Variants in TEX11 observed in about 807,000 individuals in gnomAD.
The protein encoded by TEX11 is testis expressed 11, also known as testis-expressed protein 11.
A neutral mutation model predicts 84.4 loss-of-function variants in TEX11; 7 were observed. That is an observed-to-expected ratio of 0.08 (90% CI 0.05 to 0.16). The LOEUF is 0.16. Ranked by LOEUF, TEX11 falls within the 10% of genes least tolerant of loss-of-function variation. TEX11 has a pLI of 1.00. For missense variants in TEX11, 551 were observed against 660.5 expected, an observed-to-expected ratio of 0.83 and a Z score of 1.82; for synonymous variants, 264 against 222.8, an observed-to-expected ratio of 1.18 and a Z score of -1.64.
intron 16 of TEX11, among the ~76,000 whole-genome samples, chrX:70,651,771 C>A (rs1218723690): frequency 9.0e-6 from 1 of 111,633 alleles, no homozygotes; most frequent in Non-Finnish European, 1.9e-5. Context: ...CAGACCAACC[C>A]TCCTGCTGAA....
chrX:70,562,509 A>G lies in TEX11; in HGVS notation c.2141-7709T>C, dbSNP rs2088388586. ...ATTGTGCATAGTTCTTTTTGTCTTT[A>G]GCCTTGCATCTAATCAAAACAGAGT... On this transcript the variant is annotated intron_variant, in intron 25 of 29. Coordinates refer to ENST00000374333, the MANE Select transcript of TEX11 (RefSeq NM_031276.3). 2.7e-5 allele frequency among the ~76,000 whole-genome samples: 3 copies of G among 112,287 alleles called. No homozygotes were observed. In the Admixed American group the frequency reaches 2.8e-4, roughly 11 times the overall value.
At chrX:70,796,752 A>T (rs1178129426) in intron 9 of TEX11, among the ~76,000 whole-genome samples, 1 of 112,314 alleles carries the variant, frequency 8.9e-6, no homozygotes, top group East Asian at 2.8e-4. Flanking sequence ...AAGGAATTTA[A>T]ATAATTCAAC....
At chrX:70,741,804 T>A (rs2090735604) in intron 10 of TEX11, among the ~76,000 whole-genome samples, 1 of 110,902 alleles carries the variant, frequency 9.0e-6, no homozygotes, top group African/African-American at 3.3e-5. Flanking sequence ...AAGGCCTGTC[T>A]CCTACCAAAA....
chrX:70,600,392 A>G (rs2089083198), intron 24 of TEX11, among the ~76,000 whole-genome samples: 1 of 111,165 alleles, frequency 9.0e-6, no homozygotes, highest in Non-Finnish European at 1.9e-5. Context: ...CTACAAAGAG[A>G]CTTAGACTCC....
chrX:70,788,973 T>TATATAG (rs1211700739), intron 9 of TEX11, among the ~76,000 whole-genome samples: 11 of 9,554 alleles, frequency 1.2e-3, no homozygotes, highest in Non-Finnish European at 1.4e-3. Flanking sequence ...TATATATATA[T>TATATAG]AGAGAGAGAG....
intron 9 of TEX11, among the ~76,000 whole-genome samples, chrX:70,792,345 TATATATATATATACAC>T (rs1186840550): frequency 0.072 from 759 of 10,524 alleles, 71 homozygotes; most frequent in African/African-American, 0.15. Context: ...TATATATATA[TATATATATATATACAC>T]ACACAAATAT....
At chrX:70,717,156 G>A (rs1213851487) in intron 13 of TEX11, among the ~76,000 whole-genome samples, 2 of 88,207 alleles carry the variant, frequency 2.3e-5, no homozygotes, top group African/African-American at 7.4e-5. Context: ...AAGCTTGACT[G>A]TAAAAGGTGA....
intron 2 of TEX11, among the ~76,000 whole-genome samples, chrX:70,902,078 C>T (rs532555622): frequency 1.8e-5 from 2 of 111,542 alleles, no homozygotes; most frequent in African/African-American, 6.5e-5. Flanking sequence ...AGGGAGATCC[C>T]GTCTCCACAG....
At chrX:70,669,268 A>G (rs1456273976) in intron 16 of TEX11, among the ~76,000 whole-genome samples, 1 of 111,674 alleles carries the variant, frequency 9.0e-6, no homozygotes, top group Non-Finnish European at 1.9e-5. Flanking sequence ...CTACATCCAG[A>G]TATAGGTCCT....
intron 13 of TEX11, among the ~76,000 whole-genome samples, chrX:70,713,650 T>A (rs1241672785): frequency 1.8e-5 from 2 of 111,196 alleles, no homozygotes; most frequent in Non-Finnish European, 3.8e-5. Context: ...CCCTTTATCA[T>A]TTTTTATTGC....
At chrX:70,806,003 A>G (rs1402616608) in intron 9 of TEX11, among the ~76,000 whole-genome samples, 3 of 112,104 alleles carry the variant, frequency 2.7e-5, no homozygotes, top group Admixed American at 9.5e-5. Context: ...ATCTAAGACT[A>G]ATAATTTTAG....
intron 17 of TEX11, among the ~76,000 whole-genome samples, chrX:70,630,053 C>T (rs1437730598): frequency 1.8e-5 from 2 of 111,717 alleles, no homozygotes; most frequent in African/African-American, 6.5e-5. Flanking sequence ...TGGCTCACGC[C>T]TGTAATCCCA....
intron 24 of TEX11, among the ~76,000 whole-genome samples, chrX:70,601,478 A>C (rs1431762784): frequency 2.0e-5 from 2 of 101,827 alleles, no homozygotes; most frequent in Non-Finnish European, 4.0e-5. Flanking sequence ...AAACTATTCC[A>C]ATCAATAGAA....
chrX:70,756,040 G>A (rs1164866411), intron 9 of TEX11, among the ~76,000 whole-genome samples: 1 of 112,183 alleles, frequency 8.9e-6, no homozygotes, highest in African/African-American at 3.2e-5. Context: ...TTGGCGGGGG[G>A]AGGGGTGTTG....
chrX:70,584,140 G>A (rs370688884), intron 25 of TEX11, among the ~76,000 whole-genome samples: 233 of 107,873 alleles, frequency 2.2e-3, no homozygotes, highest in African/African-American at 6.8e-3. Flanking sequence ...AAAATTAGCC[G>A]GGCGCGGTGG....
intron 25 of TEX11, among the ~76,000 whole-genome samples, chrX:70,570,597 T>C (rs929964752): frequency 8.9e-6 from 1 of 112,517 alleles, no homozygotes; most frequent in African/African-American, 3.2e-5. Context: ...TGGAATAATG[T>C]ACTGGTAAAG....
chrX:70,750,922 A>AAT (rs1491451637), intron 9 of TEX11, among the ~76,000 whole-genome samples: 1 of 27,771 alleles, frequency 3.6e-5, no homozygotes, highest in Non-Finnish European at 5.6e-5. Flanking sequence ...AAAGTATAAT[A>AAT]AAAAAAAAAA....
In TEX11 at chrX:70,610,479, G is replaced by A. The variant is rs189253781; in HGVS notation, c.1792+24C>T. ...GAGAATAGAGGCAAGATGAAGGACT[G>A]AATATAACCAGGGAGATATTTACCT... On this transcript the variant is annotated intron_variant, in intron 21 of 29. Coordinates refer to ENST00000374333, the MANE Select transcript of TEX11 (RefSeq NM_031276.3). 7.8e-5 allele frequency: 93 copies of A among 1,190,871 alleles called. 1 individual carries two copies. The East Asian group carries it at 2.6e-3, about 34-fold the overall frequency.
At chrX:70,789,659 G>GA (rs1284663919) in intron 9 of TEX11, among the ~76,000 whole-genome samples, 2 of 112,047 alleles carry the variant, frequency 1.8e-5, no homozygotes, top group East Asian at 5.6e-4. Context: ...GCAAGGATGT[G>GA]AAAAAAGGAA....
Sources: gnomAD v4.1 joint callset for allele counts (sites outside exome capture counted in the v4.1 genomes callset) on GRCh38, gnomAD v4.1.1 for gene constraint, MANE v1.5 for transcripts, NCBI Gene and HGNC (gene_info 2026-07-23, HGNC 2026-07-21) for gene names.